The following FHIT variants were observed in gnomAD, a reference collection of about 807,000 sequenced individuals.
FHIT encodes fragile histidine triad diadenosine triphosphatase.
A neutral mutation model predicts 17.9 loss-of-function variants in FHIT; 19 were observed. That is an observed-to-expected ratio of 1.06 (90% CI 0.74 to 1.56). The LOEUF (loss-of-function observed/expected upper bound fraction) is 1.56. Among genes scored for constraint, FHIT ranks in the 40% most tolerant of loss-of-function variants. FHIT has a pLI of 0.00. For missense variants in FHIT, 248 were observed against 189.2 expected, an observed-to-expected ratio of 1.31 and a Z score of -1.82; for synonymous variants, 81 against 69.7, an observed-to-expected ratio of 1.16 and a Z score of -0.81.
chr3:59,832,355 G>A (rs1045703662), intron 8 of FHIT, among the ~76,000 whole-genome samples: 1 of 152,096 alleles, frequency 6.6e-6, no homozygotes, highest in Non-Finnish European at 1.5e-5. Flanking sequence ...CATTGTGCTA[G>A]GTTCTGTTTT....
chr3:60,181,129 A>G (rs1324650778), intron 5 of FHIT, among the ~76,000 whole-genome samples: 1 of 148,170 alleles, frequency 6.7e-6, no homozygotes, highest in Non-Finnish European at 1.5e-5. Flanking sequence ...CATTACACAG[A>G]TTACAAATTT....
chr3:61,110,552 G>A (rs7644525), intron 2 of FHIT, among the ~76,000 whole-genome samples: 8,133 of 150,046 alleles, frequency 0.054, 394 homozygotes, highest in African/African-American at 0.13. Context: ...CCTTCTTTTC[G>A]TCACTATCTG....
intron 5 of FHIT, among the ~76,000 whole-genome samples, chr3:60,303,793 AT>A (rs1708546235): frequency 2.6e-5 from 4 of 152,212 alleles, no homozygotes; most frequent in Admixed American, 2.6e-4. Flanking sequence ...AGCCACTGTG[AT>A]TTTCATATTG....
intron 5 of FHIT, among the ~76,000 whole-genome samples, chr3:60,186,257 C>A (rs1387618814): frequency 6.6e-6 from 1 of 152,000 alleles, no homozygotes; most frequent in African/African-American, 2.4e-5. Context: ...TATACTTTTG[C>A]ATTTCACATT....
At chr3:61,241,219 G>C (rs893490190) in intron 1 of FHIT, among the ~76,000 whole-genome samples, 1 of 152,120 alleles carries the variant, frequency 6.6e-6, no homozygotes, top group Non-Finnish European at 1.5e-5. Flanking sequence ...TCCTAGAAGA[G>C]ATTGAACTGG....
chr3:60,694,465 G>C (rs538136734), intron 4 of FHIT, among the ~76,000 whole-genome samples: 4 of 152,272 alleles, frequency 2.6e-5, no homozygotes, highest in African/African-American at 9.6e-5. Flanking sequence ...CATTGTTGGT[G>C]GGACTGTAAA....
At chr3:60,383,020 C>G (rs1700869997) in intron 5 of FHIT, among the ~76,000 whole-genome samples, 1 of 152,134 alleles carries the variant, frequency 6.6e-6, no homozygotes, top group African/African-American at 2.4e-5. Flanking sequence ...TTTTCATTCA[C>G]TAGGAAAAAA....
At chr3:60,160,917 T>C (rs1001271036) in intron 5 of FHIT, among the ~76,000 whole-genome samples, 2 of 152,042 alleles carry the variant, frequency 1.3e-5, no homozygotes, top group African/African-American at 4.8e-5. Context: ...TCCTGATAAT[T>C]TTCATTAAGA....
intron 5 of FHIT, among the ~76,000 whole-genome samples, chr3:60,283,636 A>C (rs181172652): frequency 2.0e-5 from 3 of 152,202 alleles, no homozygotes; most frequent in Admixed American, 2.0e-4. Flanking sequence ...TCTACATGTA[A>C]ATAAGTCTGC....
At chr3:60,834,837 C>G (rs971401271) in intron 3 of FHIT, among the ~76,000 whole-genome samples, 1 of 146,672 alleles carries the variant, frequency 6.8e-6, no homozygotes, top group South Asian at 2.1e-4. Context: ...TGCCCTCCAG[C>G]TTGGGGAACT....
intron 2 of FHIT, among the ~76,000 whole-genome samples, chr3:61,198,895 CG>C (rs1560063812): frequency 0.013 from 1,974 of 150,702 alleles, 19 homozygotes; most frequent in Middle Eastern, 0.068. Context: ...CTGCCGCCGC[CG>C]ATGATGATGA....
Position 60,295,960 on chromosome 3 carries a change from G to A in FHIT, c.103+240900C>T, listed in dbSNP as rs533776897. ...GGTGGGAGATAATTAAATCACGGGG[G>A]TAGTTTCCCTCATACTGTTCTTGTG... On this transcript the variant is annotated intron_variant, in intron 5 of 9. Coordinates refer to ENST00000492590, the MANE Select transcript of FHIT (RefSeq NM_002012.4). Among the ~76,000 whole-genome samples, 4 of 152,152 alleles carry A rather than the reference G, an allele frequency of 2.6e-5. No homozygotes were observed. The South Asian group carries it at 6.2e-4, about 24-fold the overall frequency.
intron 5 of FHIT, among the ~76,000 whole-genome samples, chr3:60,241,715 T>G (rs1705138197): frequency 6.6e-6 from 1 of 152,118 alleles, no homozygotes; most frequent in South Asian, 2.1e-4. Flanking sequence ...TACCGCCTAT[T>G]CCTACATATG....
intron 3 of FHIT, among the ~76,000 whole-genome samples, chr3:61,016,937 G>T (rs2032144239): frequency 6.6e-6 from 1 of 152,144 alleles, no homozygotes. Flanking sequence ...TACTTGCAAG[G>T]GCAAAATATC....
Position 60,328,705 on chromosome 3 carries a change from T to C in FHIT, c.103+208155A>G, listed in dbSNP as rs137976054. Among the ~76,000 whole-genome samples the C allele has an allele frequency of 1.1e-3, 164 of 152,264 alleles. 1 individual carries two copies. The East Asian group carries it at 0.027, about 25-fold the overall frequency. ...CAGATTCCATACACTTGACATAGAT[T>C]ACATAAAAGACCACCAATAATAAGA... is the stretch of plus-strand genomic sequence containing the variant. On this transcript the variant is annotated intron_variant, in intron 5 of 9. Transcript: ENST00000492590.
chr3:60,437,183 T>C (rs2030346769), intron 5 of FHIT, among the ~76,000 whole-genome samples: 1 of 152,134 alleles, frequency 6.6e-6, no homozygotes, highest in Non-Finnish European at 1.5e-5. Flanking sequence ...ACTGATGTTC[T>C]TGATCAATAG....
chr3:60,688,804 G>A (rs1230749343), intron 4 of FHIT, among the ~76,000 whole-genome samples: 1 of 152,122 alleles, frequency 6.6e-6, no homozygotes, highest in Non-Finnish European at 1.5e-5. Flanking sequence ...TAAATGATAT[G>A]TTTGTAACAC....
At chr3:60,130,841 A>G (rs1040225618) in intron 5 of FHIT, among the ~76,000 whole-genome samples, 2 of 119,034 alleles carry the variant, frequency 1.7e-5, no homozygotes, top group Non-Finnish European at 3.8e-5. Flanking sequence ...GTACATACAT[A>G]CACATACATG....
intron 4 of FHIT, among the ~76,000 whole-genome samples, chr3:60,559,305 A>G (rs1182269226): frequency 6.6e-6 from 1 of 152,208 alleles, no homozygotes; most frequent in Non-Finnish European, 1.5e-5. Context: ...ACAAAACAAG[A>G]AAACATTAAC....
Sources: gnomAD v4.1 joint callset for allele counts (sites outside exome capture counted in the v4.1 genomes callset) on GRCh38, gnomAD v4.1.1 for gene constraint, MANE v1.5 for transcripts, NCBI Gene and HGNC (gene_info 2026-07-23, HGNC 2026-07-21) for gene names.